GABRA3: variants seen among roughly 807,000 people sequenced by gnomAD.
GABRA3 encodes gamma-aminobutyric acid type A receptor subunit alpha3.
GABRA3 carries 10 observed loss-of-function variants against 30.1 expected under a neutral mutation model. The ratio of observed to expected loss-of-function variants is 0.33; its 90% CI spans 0.20 to 0.56. The LOEUF (loss-of-function observed/expected upper bound fraction) is 0.56, where lower values mean the gene tolerates loss of function less well. GABRA3 is among the 20% of genes least tolerant of loss of function. The pLI is 0.89. For missense variants in GABRA3, 233 were observed against 392.0 expected, an observed-to-expected ratio of 0.59 and a Z score of 3.42; for synonymous variants, 151 against 146.8, an observed-to-expected ratio of 1.03 and a Z score of -0.21.
rs759721706 is a variant in GABRA3, at chrX:152,409,353, A to G, written c.-27+41793T>C. On this transcript the variant is annotated intron_variant, in intron 1 of 9. Coordinates refer to ENST00000370314, the MANE Select transcript of GABRA3 (RefSeq NM_000808.4). ...AGAGTGATACCCTGTCTCTAAAGAA[A>G]GAAATCAATCAATCAAATCAAAATG... 3.6e-5 allele frequency among the ~76,000 whole-genome samples: 4 copies of G among 111,561 alleles called. No individual in the cohort carries two copies. In the East Asian group the frequency reaches 1.1e-3, roughly 31 times the overall value.
chrX:152,249,232 C>G (rs1938511791), intron 5 of GABRA3, among the ~76,000 whole-genome samples: 2 of 110,749 alleles, frequency 1.8e-5, no homozygotes, highest in South Asian at 7.6e-4. Context: ...TTGTAGAAAC[C>G]AGCCATACAA....
chrX:152,342,896 A>C (rs1226623188), intron 3 of GABRA3, among the ~76,000 whole-genome samples: 1 of 111,321 alleles, frequency 9.0e-6, no homozygotes, highest in Non-Finnish European at 1.9e-5. Flanking sequence ...AGAGTGATGG[A>C]AACTCTGGTT....
chrX:152,328,619 T>A (rs1005742896), intron 3 of GABRA3, among the ~76,000 whole-genome samples: 1 of 111,960 alleles, frequency 8.9e-6, no homozygotes, highest in Non-Finnish European at 1.9e-5. Flanking sequence ...TTTCAATAGA[T>A]GCAGAAAACG....
At chrX:152,443,537 G>A (rs933515384) in intron 1 of GABRA3, among the ~76,000 whole-genome samples, 3 of 111,618 alleles carry the variant, frequency 2.7e-5, no homozygotes, top group Non-Finnish European at 5.7e-5. Flanking sequence ...CCTTATTGTA[G>A]GTTCTAGCGG....
intron 2 of GABRA3, among the ~76,000 whole-genome samples, chrX:152,354,601 T>C (rs935698066): frequency 9.0e-6 from 1 of 111,559 alleles, no homozygotes; most frequent in African/African-American, 3.3e-5. Flanking sequence ...TGAAAGCCAC[T>C]ATGTGGAAAA....
Position 152,167,507 on chromosome X carries a change from G to C in GABRA3, c.*721C>G, listed in dbSNP as rs1936951432. 8.9e-6 allele frequency: 1 copy of C among 111,924 alleles called. No individual in the cohort carries two copies. Among genetic ancestry groups the C allele is most frequent in the South Asian group, 3.8e-4 (1 of 2,651 alleles). The allele number at this position is 111,924 out of a possible 1,213,427, so 9.2% of individuals were successfully genotyped here. On this transcript the variant is annotated 3_prime_UTR_variant, in exon 10 of 10. Transcript: ENST00000370314. ...GGCTACAAGGGTGCCAAAGGCAGTG[G>C]GGGAAGAAGATTTTCTGGAGGAGAG...
chrX:152,182,479 A>AGTGT (rs1164044240), intron 9 of GABRA3, among the ~76,000 whole-genome samples: 4 of 88,289 alleles, frequency 4.5e-5, no homozygotes, highest in Non-Finnish European at 6.6e-5. Flanking sequence ...CACTATATAT[A>AGTGT]GTATACATAC....
intron 1 of GABRA3, among the ~76,000 whole-genome samples, chrX:152,448,883 T>C (rs1032421463): frequency 1.8e-5 from 2 of 111,220 alleles, no homozygotes; most frequent in Non-Finnish European, 3.8e-5. Flanking sequence ...GAAAGCGACC[T>C]TCCTTGCTCC....
chrX:152,421,469 T>C (rs1226394232), intron 1 of GABRA3, among the ~76,000 whole-genome samples: 5 of 111,332 alleles, frequency 4.5e-5, no homozygotes, highest in African/African-American at 1.3e-4. Context: ...ATCTTCATGA[T>C]ACTGAGGTAG....
At chrX:152,317,212 A>C (rs1291270791) in intron 3 of GABRA3, among the ~76,000 whole-genome samples, 1 of 112,117 alleles carries the variant, frequency 8.9e-6, no homozygotes, top group Non-Finnish European at 1.9e-5. Flanking sequence ...CAGCAGTTAC[A>C]AAAGTCAAAG....
chrX:152,273,752 T>C (rs771705879), intron 4 of GABRA3, among the ~76,000 whole-genome samples: 62 of 111,222 alleles, frequency 5.6e-4, no homozygotes, highest in African/African-American at 1.9e-3. Context: ...CTAATGAAGA[T>C]AGAGAATAGA....
At chrX:152,200,612 G>C (rs758417803) in intron 7 of GABRA3, among the ~76,000 whole-genome samples, 3 of 110,390 alleles carry the variant, frequency 2.7e-5, no homozygotes, top group Admixed American at 1.9e-4. Flanking sequence ...TTGGGGATTT[G>C]TTTTTCATGA....
chrX:152,291,560 T>A (rs1418232823), intron 3 of GABRA3, among the ~76,000 whole-genome samples: 1 of 111,063 alleles, frequency 9.0e-6, no homozygotes, highest in African/African-American at 3.3e-5. Flanking sequence ...TGAATAGGAG[T>A]GGTGGGAGAG....
At chrX:152,304,786 T>TTTG (rs758907391) in intron 3 of GABRA3, among the ~76,000 whole-genome samples, 11 of 111,857 alleles carry the variant, frequency 9.8e-5, no homozygotes, top group Admixed American at 1.9e-4. Flanking sequence ...AGACTGTTTT[T>TTTG]TTGTTGTTGT....
chrX:152,240,236 T>C (rs1938331013), intron 5 of GABRA3, among the ~76,000 whole-genome samples: 1 of 105,427 alleles, frequency 9.5e-6, no homozygotes, highest in African/African-American at 3.7e-5. Context: ...AAGTATTTTA[T>C]TTCTCCTTCA....
intron 3 of GABRA3, among the ~76,000 whole-genome samples, chrX:152,331,435 C>T (rs1367399569): frequency 9.0e-6 from 1 of 111,278 alleles, no homozygotes; most frequent in African/African-American, 3.3e-5. Context: ...CTAACCAGCT[C>T]ATGGACATCT....
intron 3 of GABRA3, among the ~76,000 whole-genome samples, chrX:152,324,514 G>C (rs1940021570): frequency 8.9e-6 from 1 of 111,862 alleles, no homozygotes; most frequent in South Asian, 3.7e-4. Flanking sequence ...ATGCTACATG[G>C]AAAAATTAAA....
At chrX:152,168,597 G>A (rs780749556) in intron 9 of GABRA3, 34 bp from the exon 10 acceptor site, 13 of 1,040,866 alleles carry the variant, frequency 1.2e-5, no homozygotes, top group Admixed American at 1.2e-4. Context: ...GGGAAAGGGA[G>A]AAAAAAGCAA....
chrX:152,367,628 G>A (rs1427511343), intron 1 of GABRA3, among the ~76,000 whole-genome samples: 2 of 111,009 alleles, frequency 1.8e-5, no homozygotes, highest in African/African-American at 3.3e-5. Context: ...AACTCATATC[G>A]TAACTCATAA....
Sources: gnomAD v4.1 joint callset for allele counts (sites outside exome capture counted in the v4.1 genomes callset) on GRCh38, gnomAD v4.1.1 for gene constraint, MANE v1.5 for transcripts, NCBI Gene and HGNC (gene_info 2026-07-23, HGNC 2026-07-21) for gene names.